SASH1: variants seen among roughly 807,000 people sequenced by gnomAD.
SASH1 encodes the protein SAM and SH3 domain-containing protein 1.
A neutral mutation model predicts 125.2 loss-of-function variants in SASH1; 44 were observed. The ratio of observed to expected loss-of-function variants is 0.35; its 90% CI spans 0.28 to 0.45. The LOEUF is 0.45. Among genes scored for constraint, SASH1 ranks in the 20% least tolerant of loss-of-function variants. The pLI is 1.00. For synonymous variants in SASH1, 639 were observed against 649.1 expected, an observed-to-expected ratio of 0.98 and a Z score of 0.24; for missense variants, 1,426 against 1,614.5, an observed-to-expected ratio of 0.88 and a Z score of 2.00.
chr6:148,361,208 G>A (rs981533749), intron 1 of SASH1, among the ~76,000 whole-genome samples: 1 of 152,176 alleles, frequency 6.6e-6, no homozygotes, highest in Non-Finnish European at 1.5e-5. Context: ...CCCAATTATT[G>A]GTGCTTTGTT....
At chr6:148,399,055 A>G (rs1784064229) in intron 2 of SASH1, among the ~76,000 whole-genome samples, 1 of 152,110 alleles carries the variant, frequency 6.6e-6, no homozygotes, top group Admixed American at 6.6e-5. Flanking sequence ...TTAACCCTGC[A>G]GTCAGTTCAG....
the SASH1 span, among the ~76,000 whole-genome samples, chr6:148,243,649 C>A: frequency 5.3e-5 from 2 of 37,702 alleles, no homozygotes; most frequent in Non-Finnish European, 8.8e-5. Flanking sequence ...GAAACTGTGT[C>A]TCAAAAAAAA....
the SASH1 span, among the ~76,000 whole-genome samples, chr6:148,243,386 G>A: frequency 6.6e-6 from 1 of 151,666 alleles, no homozygotes; most frequent in Non-Finnish European, 1.5e-5. Context: ...GGAGGTGGAG[G>A]TTGAGGTGAG....
chr6:148,277,958 G>T (rs544825526), intron 1 of SASH1, among the ~76,000 whole-genome samples: 1 of 151,684 alleles, frequency 6.6e-6, no homozygotes, highest in Non-Finnish European at 1.5e-5. Context: ...CTCGTGATTC[G>T]CCTGCCTCAC....
rs184782718 is a variant in SASH1 at position 148,376,902 on chromosome 6, G to C, written c.157-13232G>C. Among the ~76,000 whole-genome samples the C allele has an allele frequency of 3.1e-3, 472 of 151,818 alleles. 1 individual carries two copies. Among genetic ancestry groups the C allele is most frequent in the African/African-American group, 0.011 (447 of 41,342 alleles). The stretch of plus-strand genomic sequence containing the variant: ...AAGATGAAACTCGGCCGGGCGCGGT[G>C]GCTCACGCCTGTAATCCCAGCACTT... On this transcript the variant is annotated intron_variant, in intron 1 of 19. Coordinates refer to ENST00000367467, the MANE Select transcript of SASH1 (RefSeq NM_015278.5).
chr6:148,440,444 A>T (rs1230660557), intron 4 of SASH1, 37 bp downstream of exon 4: 1 of 1,577,224 alleles, frequency 6.3e-7, no homozygotes, highest in East Asian at 2.2e-5. Flanking sequence ...CCACCTTCCA[A>T]GAAGGTGTCT....
the SASH1 span, among the ~76,000 whole-genome samples, chr6:148,246,276 T>C: frequency 6.6e-6 from 1 of 152,252 alleles, no homozygotes; most frequent in Non-Finnish European, 1.5e-5. Flanking sequence ...ATTCAGTTCA[T>C]GTATTTTCCT....
At chr6:148,474,404 G>C (rs1027553142) in intron 7 of SASH1, among the ~76,000 whole-genome samples, 182 bp downstream of exon 7, 2 of 152,164 alleles carry the variant, frequency 1.3e-5, no homozygotes, top group African/African-American at 4.8e-5. Context: ...CAATGAAAAC[G>C]TGAATGAATG....
At position 148,519,726 on chromosome 6, in the gene SASH1, C is replaced by T. The variant is rs1488441916; in HGVS notation, c.1042C>T (p.Arg348Trp). 3.7e-6 allele frequency: 6 copies of T among 1,614,062 alleles called. No individual in the cohort carries two copies. The highest frequency in any genetic ancestry group is 2.2e-5 in the East Asian group (1 of 44,862). The change falls in exon 10 of 20, where the codon CGG (arginine) becomes TGG (tryptophan). Residue 348 changes from arginine (R) to tryptophan (W), a missense_variant. This residue lies in a region of SASH1 where 567 missense variants were observed against 575.6 expected (regional missense o/e 0.99). Transcript: ENST00000367467. The surrounding 1 kb of genome is among the most constrained non-coding windows in gnomAD (Gnocchi z 4.8). ...SSSLDTWGAG[R>W]KLVKTFSKGE... Reference sequence around the variant, plus strand: ...CAGCCTGGACACCTGGGGGGCTGGCCGGAAGTTGGTCAAAACCTTCAGCAA... The same window carrying T: ...CAGCCTGGACACCTGGGGGGCTGGCTGGAAGTTGGTCAAAACCTTCAGCAA...
chr6:148,351,293 G>A (rs1447309357), intron 1 of SASH1, among the ~76,000 whole-genome samples: 8 of 147,180 alleles, frequency 5.4e-5, no homozygotes, highest in African/African-American at 2.0e-4. Flanking sequence ...TTTTCAAGAT[G>A]ATTGGTGAAA....
rs564337580 is a variant in SASH1, at chr6:148,361,591, A to G, written c.156+18368A>G. Among the ~76,000 whole-genome samples, 6 of 123,468 alleles carry G rather than the reference A, an allele frequency of 4.9e-5. No individual in the cohort carries two copies. In the South Asian group the frequency reaches 1.6e-3, roughly 32 times the overall value. The allele number at this position is 123,468 out of a possible 152,430, so 81.0% of individuals were successfully genotyped here. On this transcript the variant is annotated intron_variant, in intron 1 of 19. Transcript: ENST00000367467. ...CTCCAGCCTGGGCAACAAGAGTGAA[A>G]CTCTGTCTCAAAAAAAAAAAGGAAA...
chr6:148,390,066 A>G, intron 1 of SASH1, 68 bp from the exon 2 acceptor site: 1 of 1,573,462 alleles, frequency 6.4e-7, no homozygotes, highest in Non-Finnish European at 8.7e-7. Context: ...GCGTAGAGGG[A>G]GGTCCGATGG....
At chr6:148,215,776 C>G in the SASH1 span, among the ~76,000 whole-genome samples, 1 of 152,254 alleles carries the variant, frequency 6.6e-6, no homozygotes, top group East Asian at 1.9e-4. Context: ...CTTGCTGGAA[C>G]TTTTCCACAG....
chr6:148,243,450 A>AAATAATAATAATAATAATAATAAT, the SASH1 span, among the ~76,000 whole-genome samples: 4 of 138,556 alleles, frequency 2.9e-5, no homozygotes, highest in Non-Finnish European at 6.2e-5. Flanking sequence ...AATTCCATCT[A>AAATAATAATAATAATAATAATAAT]AATAATAATA....
In SASH1 at chr6:148,532,694, C is replaced by A; in HGVS notation, c.1565-103C>A. 7.3e-7 allele frequency: 1 copy of A among 1,377,514 alleles called. No individual in the cohort carries two copies. The highest frequency in any genetic ancestry group is 1.0e-6 in the Non-Finnish European group (1 of 993,600). The allele number at this position is 1,377,514 out of a possible 1,614,324, so 85.3% of individuals were successfully genotyped here. On this transcript the variant is annotated intron_variant, in intron 13 of 19. Transcript: ENST00000367467. The surrounding 1 kb of genome is among the most constrained non-coding windows in gnomAD (Gnocchi z 4.7). ...AGGGTTGTGGCTCAAGGCTTCCTTT[C>A]TCTGGGCCTTCATTTCCTAATCTGC...
Position 148,302,341 on chromosome 6 carries a change from A to AAAAAAAAAAAAAAAAAAAAAAAT in SASH1, n.74+29964_74+29965insAAAAAAAAAAAAAAAAAAAAAAT, listed in dbSNP as rs34513109. ...AAAAAAAAAAAAAAAAAAAAAAAAAACTAGTAATATTATGACCTTGGTTAA... is the reference window on the plus strand; with the variant it reads ...AAAAAAAAAAAAAAAAAAAAAAAAAAAAAAAAAAAAAAAAAAAAAAAATCTAGTAATATTATGACCTTGGTTAA... On this transcript the variant is annotated intron_variant and non_coding_transcript_variant, in intron 1 of 3. Coordinates refer to the SASH1 transcript ENST00000367469. 1.9e-4 allele frequency among the ~76,000 whole-genome samples: 20 copies of AAAAAAAAAAAAAAAAAAAAAAAT among 104,442 alleles called. 5 individuals are homozygous for AAAAAAAAAAAAAAAAAAAAAAAT. The highest frequency in any genetic ancestry group is 1.6e-3 in the East Asian group (4 of 2,566). 68.5% of individuals were successfully genotyped at this position (104,442 alleles called of 152,430 possible).
chr6:148,234,388 G>A, the SASH1 span, among the ~76,000 whole-genome samples: 4 of 151,810 alleles, frequency 2.6e-5, no homozygotes, highest in Admixed American at 2.0e-4. Context: ...GTGTGCATGT[G>A]TGTGTTTATA....
At chr6:148,306,158 C>T (rs1400533996) in intron 1 of SASH1, among the ~76,000 whole-genome samples, 1 of 152,210 alleles carries the variant, frequency 6.6e-6, no homozygotes, top group East Asian at 1.9e-4. Context: ...ACTGCTAAAA[C>T]TTTGGCAGGT....
rs764521541 is a variant in SASH1, at chr6:148,543,813, A to T, written c.2343A>T (p.Gly781=). 116 of 1,613,994 alleles carry T rather than the reference A, an allele frequency of 7.2e-5. 1 individual carries two copies. The Middle Eastern group carries it at 1.5e-3, about 21-fold the overall frequency. ...LMKSGDALKQ[G]QEEGRLGGGL... is the part of the protein sequence containing the mutation. ...AATCAGGGGATGCACTGAAGCAGGG[A>T]CAGGAGGAGGGCAGGCTGGGTGGTG... The change falls in exon 18 of 20, where the codon GGA becomes GGT. Residue 781 remains glycine, a synonymous_variant. Transcript: ENST00000367467.
Sources: gnomAD v4.1 joint callset for allele counts (sites outside exome capture counted in the v4.1 genomes callset) on GRCh38, gnomAD v4.1.1 for gene constraint, gnomAD v4.1.1 regional missense constraint, Gnocchi (gnomAD v3.1) non-coding constraint, MANE v1.5 for transcripts, NCBI Gene and HGNC (gene_info 2026-07-23, HGNC 2026-07-21) for gene names.